The following TMEM144 variants were observed in gnomAD, a reference collection of about 807,000 sequenced individuals.
The protein encoded by TMEM144 is transmembrane protein 144.
In TMEM144, 39 loss-of-function variants were observed where a neutral mutation model predicts 43.6. The ratio of observed to expected loss-of-function variants is 0.90; its 90% CI spans 0.69 to 1.17. The LOEUF is 1.17. Ranked by LOEUF, TMEM144 falls within the 50% of genes most tolerant of loss-of-function variation. The pLI, the probability that TMEM144 is intolerant of heterozygous loss-of-function variation, is 0.00. For missense variants in TMEM144, 417 were observed against 411.9 expected, an observed-to-expected ratio of 1.01 and a Z score of -0.11; for synonymous variants, 154 against 133.6, an observed-to-expected ratio of 1.15 and a Z score of -1.06.
chr4:158,222,762 G>A (rs1035486176), intron 6 of TMEM144, among the ~76,000 whole-genome samples: 3 of 152,240 alleles, frequency 2.0e-5, no homozygotes, highest in East Asian at 1.9e-4. Flanking sequence ...TTCAGTTGTC[G>A]GCGTAACTGC....
Position 158,240,363 on chromosome 4 carries a change from C to A in TMEM144, c.747C>A (p.Ala249=). 1.2e-6 allele frequency: 2 copies of A among 1,613,850 alleles called. No individual in the cohort carries two copies. Among genetic ancestry groups the A allele is most frequent in the Non-Finnish European group, 1.7e-6 (2 of 1,179,906 alleles). ...TTACAAGTACTGTCTACTTTCTGGCCTACTGCATAGCCATGAAAAATAGTC... is the reference window on the plus strand; with the variant it reads ...TTACAAGTACTGTCTACTTTCTGGCATACTGCATAGCCATGAAAAATAGTC... The part of the protein sequence containing the change: ...IFLTSTVYFL[A]YCIAMKNSPK... Residue 249 remains alanine, a synonymous_variant, in exon 10 of 13, where the codon GCC becomes GCA. Coordinates refer to ENST00000296529, the MANE Select transcript of TMEM144 (RefSeq NM_018342.5).
In TMEM144 at chr4:158,231,722, G is replaced by T. The variant is rs895064232; in HGVS notation, c.414-1179G>T. Among the ~76,000 whole-genome samples, 5 of 152,208 alleles carry T rather than the reference G, an allele frequency of 3.3e-5. No individual in the cohort carries two copies. In the East Asian group the frequency reaches 9.7e-4, roughly 29 times the overall value. The stretch of plus-strand genomic sequence containing the variant: ...GTCGTTGTGAAAAATTGGGGAGGGG[G>T]GTTGGTAGACAGCTTGGAGCAGGGA... On this transcript the variant is annotated intron_variant, in intron 6 of 12. Transcript: ENST00000296529.
intron 6 of TMEM144, among the ~76,000 whole-genome samples, chr4:158,230,395 C>A (rs1735017251): frequency 1.3e-5 from 2 of 152,100 alleles, no homozygotes; most frequent in Admixed American, 6.5e-5. Flanking sequence ...TTGATGTGAG[C>A]CTCTGATTGC....
At position 158,254,491 on chromosome 4, in the gene TMEM144, C is replaced by T. The variant is rs570451198; in HGVS notation, c.*964C>T. 35 of 144,116 alleles carry T rather than the reference C, an allele frequency of 2.4e-4. No individual in the cohort carries two copies. Among genetic ancestry groups the T allele is most frequent in the African/African-American group, 6.2e-4 (24 of 38,534 alleles). 8.9% of individuals were successfully genotyped at this position (144,116 alleles called of 1,614,324 possible). A position where few individuals can be genotyped will look rare whatever the true frequency, so the allele number is the denominator to read the frequency against. ...ACTGAAATTAAGCCAGGCAGGGTGG[C>T]GCACTACTATAATCCCAGCTGCTGG... On this transcript the variant is annotated 3_prime_UTR_variant, in exon 13 of 13. Coordinates refer to ENST00000296529, the MANE Select transcript of TMEM144 (RefSeq NM_018342.5).
At position 158,237,597 on chromosome 4, in the gene TMEM144, C is replaced by T. The variant is rs753995588; in HGVS notation, c.636C>T (p.Asp212=). 15 of 1,613,634 alleles carry T rather than the reference C, an allele frequency of 9.3e-6. No individual in the cohort carries two copies. The South Asian group carries it at 1.6e-4, about 18-fold the overall frequency. The stretch of plus-strand genomic sequence containing the variant: ...TTGTGCCAATCATCTACATCAAGGA[C>T]CACAGCAAAAGAAATGATAGTATAT... The part of the protein sequence containing the change: ...STFVPIIYIK[D]HSKRNDSIYA... The change falls in exon 9 of 13, where the codon GAC becomes GAT. Residue 212 remains aspartate (D), a synonymous_variant. Transcript: ENST00000296529.
intron 6 of TMEM144, among the ~76,000 whole-genome samples, chr4:158,229,252 T>C (rs1487796900): frequency 2.6e-5 from 4 of 152,160 alleles, no homozygotes; most frequent in Non-Finnish European, 5.9e-5. Flanking sequence ...AGGTCACTCT[T>C]CTGTAGGGCT....
intron 12 of TMEM144, 77 bp downstream of exon 12, chr4:158,244,426 C>T: frequency 8.3e-7 from 1 of 1,206,038 alleles, no homozygotes; most frequent in Non-Finnish European, 1.2e-6. Context: ...TGTCCTGGCA[C>T]TTTGGGAGGC....
At position 158,249,200 on chromosome 4, in the gene TMEM144, C is replaced by T. The variant is rs528814880; in HGVS notation, c.955-4244C>T. Among the ~76,000 whole-genome samples, 12 of 152,232 alleles carry T rather than the reference C, an allele frequency of 7.9e-5. No homozygotes were observed. The South Asian group carries it at 1.9e-3, about 24-fold the overall frequency. ...GATTACAGGCGTGAGCCACCGTGCC[C>T]GGCCCTGATATTCTTTTATATCTGA... On this transcript the variant is annotated intron_variant, in intron 12 of 12. Coordinates refer to ENST00000296529, the MANE Select transcript of TMEM144 (RefSeq NM_018342.5).
intron 5 of TMEM144, among the ~76,000 whole-genome samples, chr4:158,218,693 C>A (rs751953095): frequency 6.6e-6 from 1 of 152,076 alleles, no homozygotes; most frequent in South Asian, 2.1e-4. Context: ...AATTAATTAA[C>A]CTTCCATGAG....
chr4:158,239,502 T>C (rs1735518704), intron 9 of TMEM144, among the ~76,000 whole-genome samples: 1 of 152,220 alleles, frequency 6.6e-6, no homozygotes, highest in Admixed American at 6.5e-5. Flanking sequence ...CCTCTCTGGA[T>C]TAACTTCCTG....
chr4:158,235,805 G>A (rs1057425243), intron 8 of TMEM144: 3 of 251,358 alleles, frequency 1.2e-5, no homozygotes, highest in Admixed American at 9.8e-5. Flanking sequence ...AGGTAGTAAC[G>A]TGACCAACCT....
At chr4:158,235,367 G>A (rs1271573146) in intron 7 of TMEM144, 71 bp from the exon 8 acceptor site, 1 of 1,512,314 alleles carries the variant, frequency 6.6e-7, no homozygotes, top group Non-Finnish European at 9.1e-7. Flanking sequence ...AAAAGCACTA[G>A]AAATATTGTC....
intron 8 of TMEM144, among the ~76,000 whole-genome samples, chr4:158,236,513 G>A (rs894193699): frequency 1.3e-5 from 2 of 152,124 alleles, no homozygotes; most frequent in Non-Finnish European, 2.9e-5. Flanking sequence ...CAGACCTCAC[G>A]TGACACAGGG....
chr4:158,223,439 A>G (rs915010273), intron 6 of TMEM144, among the ~76,000 whole-genome samples: 4 of 152,038 alleles, frequency 2.6e-5, no homozygotes, highest in Non-Finnish European at 5.9e-5. Flanking sequence ...TTATTTATTC[A>G]TTTATTTTTT....
Position 158,232,916 on chromosome 4 carries a change from G to A in TMEM144, c.429G>A (p.Leu143=), listed in dbSNP as rs142426668. The A allele has an allele frequency of 1.2e-6, 2 of 1,609,502 alleles. No individual in the cohort carries two copies. The highest frequency in any genetic ancestry group is 1.3e-5 in the African/African-American group (1 of 74,666). ...TTCCTTACAGTGCTTTCATATTTTTGTTCATCAAAAGTGAAATACCAAATA... is the reference window on the plus strand; with the variant it reads ...TTCCTTACAGTGCTTTCATATTTTTATTCATCAAAAGTGAAATACCAAATA... ...GLSVVSAFIF[L]FIKSEIPNNT... Residue 143 remains leucine (L), a synonymous_variant, in exon 7 of 13, where the codon TTG becomes TTA. Transcript: ENST00000296529.
Position 158,240,417 on chromosome 4 carries a change from A to T in TMEM144, c.801A>T (p.Pro267=). 1 of 1,605,738 alleles carries T rather than the reference A, an allele frequency of 6.2e-7. No individual in the cohort carries two copies. Among genetic ancestry groups the T allele is most frequent in the South Asian group, 1.1e-5 (1 of 89,348 alleles). Residue 267 remains proline, a splice_region_variant and synonymous_variant, in exon 10 of 13, where the codon CCA becomes CCT. Coordinates refer to ENST00000296529, the MANE Select transcript of TMEM144 (RefSeq NM_018342.5). ...AACTATATCCTGAAGCAGTCCTACC[A>T]GGTAAGAATATGTACTACAGATCTT... The part of the protein sequence containing the change: ...SPKLYPEAVL[P]GFLSGVLWAI...
Position 158,255,323 on chromosome 4 carries a change from T to G in TMEM144, c.*1796T>G, listed in dbSNP as rs1234126943. 1 of 151,672 alleles carries G rather than the reference T, an allele frequency of 6.6e-6. No individual in the cohort carries two copies. The highest frequency in any genetic ancestry group is 1.5e-5 in the Non-Finnish European group (1 of 67,880). The allele number at this position is 151,672 out of a possible 1,614,324, so 9.4% of individuals were successfully genotyped here. A position where few individuals can be genotyped will look rare whatever the true frequency, so the allele number is the denominator to read the frequency against. On this transcript the variant is annotated 3_prime_UTR_variant, in exon 13 of 13. Coordinates refer to ENST00000296529, the MANE Select transcript of TMEM144 (RefSeq NM_018342.5). ...TTAAATATATTTTAGAATTTTATAT[T>G]GGATAACTTTTAATTATTCTTTAGT...
intron 9 of TMEM144, among the ~76,000 whole-genome samples, chr4:158,239,187 T>C (rs944975407): frequency 6.6e-6 from 1 of 152,182 alleles, no homozygotes; most frequent in Non-Finnish European, 1.5e-5. Flanking sequence ...TGGTGGTCCA[T>C]ATATAGATGT....
At chr4:158,247,297 T>C (rs1735940032) in intron 12 of TMEM144, among the ~76,000 whole-genome samples, 1 of 151,978 alleles carries the variant, frequency 6.6e-6, no homozygotes, top group Non-Finnish European at 1.5e-5. Context: ...TCTCCATATA[T>C]TGGAAGTCAA....
Sources: allele counts gnomAD v4.1 joint callset (sites outside exome capture counted in the v4.1 genomes callset), GRCh38; gene constraint gnomAD v4.1.1; transcripts MANE v1.5; gene names NCBI Gene and HGNC (gene_info 2026-07-23, HGNC 2026-07-21).